TENM4: variants seen among roughly 807,000 people sequenced by gnomAD.
TENM4 encodes the protein teneurin transmembrane protein 4.
TENM4 carries 82 observed loss-of-function variants against 243.3 expected under a neutral mutation model. That is an observed-to-expected ratio of 0.34 (90% CI 0.28 to 0.40). The LOEUF (loss-of-function observed/expected upper bound fraction) is 0.40. TENM4 is among the 10% of genes least tolerant of loss of function. TENM4 has a pLI of 1.00. For synonymous variants in TENM4, 1,412 were observed against 1,456.3 expected, an observed-to-expected ratio of 0.97 and a Z score of 0.69; for missense variants, 3,138 against 3,673.3, an observed-to-expected ratio of 0.85 and a Z score of 3.77.
At chr11:79,162,266 T>G (rs950784239) in intron 3 of TENM4, among the ~76,000 whole-genome samples, 2 of 152,164 alleles carry the variant, frequency 1.3e-5, no homozygotes, top group African/African-American at 2.4e-5. Flanking sequence ...ACTAGTTCTG[T>G]GATATGGGAA....
intron 1 of TENM4, among the ~76,000 whole-genome samples, chr11:79,312,207 G>C (rs1318084151): frequency 1.3e-5 from 2 of 151,978 alleles, no homozygotes; most frequent in African/African-American, 2.4e-5. Context: ...GCCGTGTAGA[G>C]TAGTCATTTA....
chr11:78,883,746 C>A (rs539874170), intron 9 of TENM4, among the ~76,000 whole-genome samples: 1 of 152,250 alleles, frequency 6.6e-6, no homozygotes. Flanking sequence ...TGCACAGAAG[C>A]AACAGTTAGT....
At chr11:79,389,836 G>GT (rs1364076489) in intron 1 of TENM4, among the ~76,000 whole-genome samples, 1 of 152,202 alleles carries the variant, frequency 6.6e-6, no homozygotes. Flanking sequence ...TTTGTGAAAT[G>GT]TGTTTTCTCT....
At chr11:79,214,018 G>GTCTC (rs34266274) in intron 3 of TENM4, among the ~76,000 whole-genome samples, 71,067 of 150,586 alleles carry the variant, frequency 0.47, 17,319 homozygotes, top group Middle Eastern at 0.62. Flanking sequence ...TTGAGGTGGA[G>GTCTC]TCTCTGTCTG....
intron 4 of TENM4, among the ~76,000 whole-genome samples, chr11:79,114,888 A>G (rs557709780): frequency 1.6e-4 from 24 of 152,188 alleles, no homozygotes; most frequent in Non-Finnish European, 2.8e-4. Context: ...AATAAGGGGT[A>G]TTCAGTCTGG....
At chr11:78,750,027 AT>A (rs1370992811) in intron 19 of TENM4, among the ~76,000 whole-genome samples, 1 of 152,146 alleles carries the variant, frequency 6.6e-6, no homozygotes, top group African/African-American at 2.4e-5. Flanking sequence ...GATGTGGAAA[AT>A]AATGTCACCA....
At chr11:79,023,302 G>C (rs751132710) in intron 6 of TENM4, among the ~76,000 whole-genome samples, 1 of 152,136 alleles carries the variant, frequency 6.6e-6, no homozygotes, top group East Asian at 1.9e-4. Flanking sequence ...GCTCATGCCT[G>C]TAATCCCAGC....
intron 6 of TENM4, chr11:79,064,523 G>A (rs990986986): frequency 1.1e-5 from 7 of 627,856 alleles, no homozygotes; most frequent in East Asian, 6.0e-5. Flanking sequence ...TCCCTAATCC[G>A]GAAGCAAAGA....
chr11:78,881,093 G>A (rs1278790047), intron 9 of TENM4, among the ~76,000 whole-genome samples: 1 of 152,192 alleles, frequency 6.6e-6, no homozygotes, highest in Non-Finnish European at 1.5e-5. Flanking sequence ...GAAGGAAGTG[G>A]CCTGGGCCTG....
chr11:79,095,118 C>A (rs750315513), intron 4 of TENM4, among the ~76,000 whole-genome samples: 4 of 152,096 alleles, frequency 2.6e-5, no homozygotes, highest in Non-Finnish European at 5.9e-5. Flanking sequence ...GGGGCAGGAG[C>A]AGGCCCCTCT....
chr11:79,104,234 T>C (rs1292355757), intron 4 of TENM4, among the ~76,000 whole-genome samples: 2 of 152,234 alleles, frequency 1.3e-5, no homozygotes, highest in African/African-American at 2.4e-5. Flanking sequence ...CCCAGCAAGA[T>C]AGTAAGCTTC....
At chr11:78,871,240 T>G (rs2136241626) in intron 9 of TENM4, among the ~76,000 whole-genome samples, 1 of 152,356 alleles carries the variant, frequency 6.6e-6, no homozygotes, top group Non-Finnish European at 1.5e-5. Context: ...AAGACGGTGA[T>G]AATAATACCT....
chr11:79,073,445 A>G (rs1454784235), intron 4 of TENM4, among the ~76,000 whole-genome samples: 2 of 152,094 alleles, frequency 1.3e-5, no homozygotes, highest in African/African-American at 2.4e-5. Flanking sequence ...TAGGCTTGGT[A>G]TCCGGTGCTC....
chr11:79,302,395 T>C (rs1454640392), intron 1 of TENM4, among the ~76,000 whole-genome samples: 2 of 152,216 alleles, frequency 1.3e-5, no homozygotes, highest in Non-Finnish European at 2.9e-5. Context: ...CTCATGCTTT[T>C]CTGCAGCTCC....
At chr11:79,437,659 G>C (rs1443923481) in intron 1 of TENM4, among the ~76,000 whole-genome samples, 1 of 152,220 alleles carries the variant, frequency 6.6e-6, no homozygotes, top group Non-Finnish European at 1.5e-5. Flanking sequence ...AGGCCGGCGG[G>C]GGAGGCGGGC....
intron 2 of TENM4, among the ~76,000 whole-genome samples, chr11:79,285,360 G>T (rs1856231804): frequency 6.6e-6 from 1 of 152,084 alleles, no homozygotes. Flanking sequence ...GACATAAAAA[G>T]TATTGAAAAG....
chr11:79,079,426 G>A (rs1860610779), intron 4 of TENM4, among the ~76,000 whole-genome samples: 1 of 152,216 alleles, frequency 6.6e-6, no homozygotes, highest in South Asian at 2.1e-4. Flanking sequence ...TCAACAGATG[G>A]TATTATGGTA....
chr11:79,136,986 C>A (rs184553237), intron 4 of TENM4, among the ~76,000 whole-genome samples: 136 of 152,224 alleles, frequency 8.9e-4, no homozygotes, highest in South Asian at 8.1e-3. Flanking sequence ...AATCAGCATC[C>A]AATCTATGGC....
chr11:79,324,422 T>C (rs528215361), intron 1 of TENM4, among the ~76,000 whole-genome samples: 2 of 152,228 alleles, frequency 1.3e-5, no homozygotes, highest in South Asian at 4.2e-4. Context: ...GGTCTCGCTA[T>C]GTTGACCAGG....
Sources: allele counts gnomAD v4.1 joint callset (sites outside exome capture counted in the v4.1 genomes callset), GRCh38; gene constraint gnomAD v4.1.1; transcripts MANE v1.5; gene names NCBI Gene and HGNC (gene_info 2026-07-23, HGNC 2026-07-21).